The following CDK14 variants were observed in gnomAD, a reference collection of about 807,000 sequenced individuals.
CDK14 encodes cyclin-dependent kinase 14.
Under a neutral mutation model 60.7 loss-of-function variants are expected in CDK14, and 34 were observed. The observed-to-expected ratio is 0.56, with a 90% CI of 0.43 to 0.75. CDK14 has a LOEUF of 0.75. CDK14 is among the 30% of genes least tolerant of loss of function. The pLI, the probability that CDK14 is intolerant of heterozygous loss-of-function variation, is 0.00. For missense variants in CDK14, 482 were observed against 564.1 expected, an observed-to-expected ratio of 0.85 and a Z score of 1.47; for synonymous variants, 197 against 203.7, an observed-to-expected ratio of 0.97 and a Z score of 0.28.
chr7:91,127,688 G>A (rs751930688), intron 14 of CDK14, among the ~76,000 whole-genome samples: 2 of 152,052 alleles, frequency 1.3e-5, no homozygotes, highest in Non-Finnish European at 2.9e-5. Flanking sequence ...TAAAGGAGAA[G>A]TTCTCCCATT....
intron 12 of CDK14, among the ~76,000 whole-genome samples, chr7:91,109,557 C>T (rs1026069111): frequency 4.0e-5 from 6 of 151,890 alleles, no homozygotes; most frequent in Admixed American, 1.3e-4. Flanking sequence ...AAGGTAAAGG[C>T]GGACAAAATA....
intron 1 of CDK14, among the ~76,000 whole-genome samples, chr7:90,601,379 A>G (rs1340283725): frequency 6.6e-6 from 1 of 152,208 alleles, no homozygotes; most frequent in Non-Finnish European, 1.5e-5. Context: ...CTTTGTTGTC[A>G]CTGTTAACTG....
Position 90,712,268 on chromosome 7 carries a change from AC to A in CDK14, c.124-14296del, listed in dbSNP as rs1372592049. 2.6e-5 allele frequency among the ~76,000 whole-genome samples: 4 copies of A among 151,546 alleles called. 1 individual carries two copies. Among genetic ancestry groups the A allele is most frequent in the African/African-American group, 9.7e-5 (4 of 41,240 alleles). On this transcript the variant is annotated intron_variant, in intron 2 of 14. Coordinates refer to ENST00000380050, the MANE Select transcript of CDK14 (RefSeq NM_001287135.2). Reference sequence around the variant, plus strand: ...AACTTTTTCATCAACCCAAACAGAAACCCTACCCTGCTCTCATTAAATAGTA... The same window carrying A: ...AACTTTTTCATCAACCCAAACAGAAACCTACCCTGCTCTCATTAAATAGTA...
chr7:90,756,813 T>C (rs777101360), intron 4 of CDK14, among the ~76,000 whole-genome samples: 2 of 152,182 alleles, frequency 1.3e-5, no homozygotes, highest in Non-Finnish European at 2.9e-5. Context: ...ATCTTTTGCA[T>C]CCTCCCCAGA....
chr7:90,992,378 T>A (rs1795564760), intron 10 of CDK14, among the ~76,000 whole-genome samples: 1 of 152,212 alleles, frequency 6.6e-6, no homozygotes, highest in African/African-American at 2.4e-5. Flanking sequence ...ATCATTCATT[T>A]TCTAAGTTAT....
At chr7:90,854,115 T>G (rs1790741967) in intron 5 of CDK14, among the ~76,000 whole-genome samples, 1 of 152,184 alleles carries the variant, frequency 6.6e-6, no homozygotes, top group South Asian at 2.1e-4. Flanking sequence ...TTTTCTGACT[T>G]TAAACTTATC....
At chr7:90,812,697 A>C (rs1266266428) in intron 5 of CDK14, among the ~76,000 whole-genome samples, 1 of 152,194 alleles carries the variant, frequency 6.6e-6, no homozygotes, top group Non-Finnish European at 1.5e-5. Flanking sequence ...AAGGACATGA[A>C]AATTAAAAAC....
At chr7:90,639,949 C>T (rs542422228) in intron 2 of CDK14, among the ~76,000 whole-genome samples, 11 of 152,216 alleles carry the variant, frequency 7.2e-5, no homozygotes, top group Non-Finnish European at 1.2e-4. Flanking sequence ...TCTCCTGATG[C>T]GCCGGTTTTT....
chr7:90,720,857 C>T (rs1253065104), intron 2 of CDK14, among the ~76,000 whole-genome samples: 2 of 152,016 alleles, frequency 1.3e-5, no homozygotes, highest in Non-Finnish European at 2.9e-5. Flanking sequence ...CTCAGAACAG[C>T]CACGGTTACA....
At chr7:90,715,062 T>C (rs1413982404) in intron 2 of CDK14, among the ~76,000 whole-genome samples, 2 of 151,320 alleles carry the variant, frequency 1.3e-5, no homozygotes, top group African/African-American at 4.9e-5. Flanking sequence ...TAGTGTTTTC[T>C]CTTCAGTTTT....
intron 10 of CDK14, among the ~76,000 whole-genome samples, chr7:91,023,848 C>G (rs1033666404): frequency 6.6e-6 from 1 of 152,266 alleles, no homozygotes; most frequent in Admixed American, 6.5e-5. Flanking sequence ...TCTTAGCTCA[C>G]GGCAACCTCC....
chr7:90,853,271 C>T (rs916543682), intron 5 of CDK14, among the ~76,000 whole-genome samples: 3 of 151,912 alleles, frequency 2.0e-5, no homozygotes, highest in Non-Finnish European at 2.9e-5. Flanking sequence ...TTCAACTGAA[C>T]GGGAAAAAAC....
chr7:90,795,096 C>T (rs2116982286), intron 5 of CDK14, among the ~76,000 whole-genome samples: 1 of 152,160 alleles, frequency 6.6e-6, no homozygotes, highest in Non-Finnish European at 1.5e-5. Context: ...TGAGCCCAAA[C>T]CCAACTATTT....
intron 5 of CDK14, among the ~76,000 whole-genome samples, chr7:90,823,076 A>G (rs1437532314): frequency 6.6e-6 from 1 of 152,146 alleles, no homozygotes; most frequent in East Asian, 1.9e-4. Flanking sequence ...GATAATAGAA[A>G]TAGAGGAATC....
At chr7:90,659,482 G>A (rs1419994652) in intron 2 of CDK14, among the ~76,000 whole-genome samples, 6 of 152,110 alleles carry the variant, frequency 3.9e-5, no homozygotes, top group Non-Finnish European at 7.4e-5. Flanking sequence ...TGAAATGACA[G>A]AAATTTGAAA....
intron 11 of CDK14, among the ~76,000 whole-genome samples, chr7:91,048,439 T>C (rs1178937023): frequency 6.6e-6 from 1 of 152,236 alleles, no homozygotes; most frequent in Non-Finnish European, 1.5e-5. Flanking sequence ...TTTGCTATTA[T>C]AAATATTAAT....
intron 2 of CDK14, among the ~76,000 whole-genome samples, chr7:90,607,047 A>G (rs1455376885): frequency 2.6e-5 from 4 of 152,168 alleles, no homozygotes; most frequent in Non-Finnish European, 5.9e-5. Context: ...GGTTTGAGGG[A>G]GGCACATCTT....
At chr7:90,912,431 C>G (rs1039174071) in intron 7 of CDK14, among the ~76,000 whole-genome samples, 1 of 152,140 alleles carries the variant, frequency 6.6e-6, no homozygotes, top group Non-Finnish European at 1.5e-5. Flanking sequence ...TCAGCATCAA[C>G]CTCATTTAAG....
chr7:90,933,359 GATA>G (rs1793654567), intron 8 of CDK14, among the ~76,000 whole-genome samples: 2 of 151,968 alleles, frequency 1.3e-5, no homozygotes, highest in Admixed American at 6.6e-5. Context: ...AAACGGTATT[GATA>G]ATGATGATGA....
Sources: gnomAD v4.1 joint callset for allele counts (sites outside exome capture counted in the v4.1 genomes callset) on GRCh38, gnomAD v4.1.1 for gene constraint, MANE v1.5 for transcripts, NCBI Gene and HGNC (gene_info 2026-07-23, HGNC 2026-07-21) for gene names.